ALPL: variants seen among roughly 807,000 people sequenced by gnomAD.
The protein encoded by ALPL is alkaline phosphatase, tissue-nonspecific isozyme.
A neutral mutation model predicts 51.3 loss-of-function variants in ALPL; 42 were observed. The observed-to-expected ratio is 0.82, with a 90% CI of 0.64 to 1.06. ALPL has a LOEUF of 1.06. Among genes scored for constraint, ALPL ranks in the 50% least tolerant of loss-of-function variants. The pLI, the probability that ALPL is intolerant of heterozygous loss-of-function variation, is 0.00. For missense variants in ALPL, 589 were observed against 709.4 expected (o/e 0.83, Z 1.93); for synonymous variants, 279 against 296.4 (o/e 0.94, Z 0.60).
chr1:21,573,937 A>G, intron 9 of ALPL, 138 bp downstream of exon 9: 3 of 1,496,240 alleles, frequency 2.0e-6, no homozygotes, highest in Non-Finnish European at 1.8e-6. Context: ...AGGTTGTGGA[A>G]GGAGACGGGT....
chr1:21,561,956 C>T (rs1222884348), intron 4 of ALPL, among the ~76,000 whole-genome samples: 1 of 152,130 alleles, frequency 6.6e-6, no homozygotes, highest in Non-Finnish European at 1.5e-5. Flanking sequence ...CATGAGCCAC[C>T]GTGCCTGGCC....
At chr1:21,572,850 CCTT>C (rs1381812158) in intron 8 of ALPL, among the ~76,000 whole-genome samples, 3 of 152,214 alleles carry the variant, frequency 2.0e-5, no homozygotes, top group East Asian at 1.9e-4. Flanking sequence ...TGATTCCAAA[CCTT>C]CTGCTGTTTC....
rs764771727 is a variant in ALPL, at chr1:21,564,249, G to A, written c.648+33G>A. ...CTCGGGGGCAGCCGGGCAGGGACGG[G>A]GTGAGGCGGGGCCTCTGGTGGGCAG... is the stretch of plus-strand genomic sequence containing the variant. On this transcript the variant is annotated intron_variant, in intron 6 of 11. Transcript: ENST00000374840. The surrounding 1 kb of genome is among the most constrained non-coding windows in gnomAD (Gnocchi z 5.8). 1.5e-5 allele frequency: 24 copies of A among 1,610,580 alleles called. No homozygotes were observed. The highest frequency in any genetic ancestry group is 1.6e-4 in the Middle Eastern group (1 of 6,062).
At chr1:21,514,741 A>C (rs1279050181) in intron 1 of ALPL, among the ~76,000 whole-genome samples, 1 of 152,076 alleles carries the variant, frequency 6.6e-6, no homozygotes, top group Admixed American at 6.5e-5. Flanking sequence ...TGGTCCTTAC[A>C]CCTGCAGACG....
intron 1 of ALPL, among the ~76,000 whole-genome samples, chr1:21,523,790 C>T (rs543271052): frequency 6.6e-6 from 1 of 152,248 alleles, no homozygotes; most frequent in African/African-American, 2.4e-5. Context: ...AACTTACCAC[C>T]CAGCAGCTCG....
intron 1 of ALPL, among the ~76,000 whole-genome samples, chr1:21,518,661 C>T (rs1292422454): frequency 6.6e-6 from 1 of 152,066 alleles, no homozygotes; most frequent in East Asian, 1.9e-4. Flanking sequence ...TACCCAAATA[C>T]AGAATTTAGA....
At chr1:21,557,921 C>T (rs1263375935) in intron 2 of ALPL, among the ~76,000 whole-genome samples, 1 of 152,156 alleles carries the variant, frequency 6.6e-6, no homozygotes, top group Non-Finnish European at 1.5e-5. Flanking sequence ...GAGGAGATGC[C>T]CAGGCTTACA....
chr1:21,577,845 TC>T lies in ALPL; in HGVS notation c.*199del. 2 of 724,582 alleles carry T rather than the reference TC, an allele frequency of 2.8e-6. No individual in the cohort carries two copies. The highest frequency in any genetic ancestry group is 4.4e-6 in the Non-Finnish European group (2 of 450,254). The allele number at this position is 724,582 out of a possible 1,614,324, so 44.9% of individuals were successfully genotyped here. On this transcript the variant is annotated 3_prime_UTR_variant, in exon 12 of 12. Coordinates refer to ENST00000374840, the MANE Select transcript of ALPL (RefSeq NM_000478.6). The stretch of plus-strand genomic sequence containing the variant: ...CCAAGGGCCAAACCCACTTCTGGCC[TC>T]CAGCCTTTGCTCCCTCCCCGCTGCC...
At chr1:21,557,077 C>T (rs775276079) in intron 2 of ALPL, among the ~76,000 whole-genome samples, 1 of 152,150 alleles carries the variant, frequency 6.6e-6, no homozygotes, top group Non-Finnish European at 1.5e-5. Context: ...TTTTCCTTCC[C>T]CCTTTTCTTC....
intron 1 of ALPL, among the ~76,000 whole-genome samples, chr1:21,518,474 A>G (rs1458929219): frequency 1.3e-5 from 2 of 152,126 alleles, no homozygotes; most frequent in East Asian, 3.9e-4. Flanking sequence ...ATTTGAATTC[A>G]TATCTGTCAA....
At position 21,575,971 on chromosome 1, in the gene ALPL, A is replaced by G. The variant is rs1336522759; in HGVS notation, c.1189+47A>G. On this transcript the variant is annotated intron_variant, in intron 10 of 11. Coordinates refer to ENST00000374840, the MANE Select transcript of ALPL (RefSeq NM_000478.6). ...TGGACACTCCTGGGGTCTCCTGTCTACCCACCTGGGAGCAGGAGTGGGTGG... is the reference window on the plus strand; with the variant it reads ...TGGACACTCCTGGGGTCTCCTGTCTGCCCACCTGGGAGCAGGAGTGGGTGG... 2.5e-6 allele frequency: 4 copies of G among 1,606,936 alleles called. 1 individual carries two copies. The highest frequency in any genetic ancestry group is 3.3e-5 in the Admixed American group (2 of 59,952).
intron 8 of ALPL, 72 bp from the exon 9 acceptor site, chr1:21,573,593 C>G: frequency 6.3e-7 from 1 of 1,589,134 alleles, no homozygotes. Flanking sequence ...CTGAGACACC[C>G]CAGCTTCCTT....
At chr1:21,556,739 G>A (rs1330906800) in intron 2 of ALPL, among the ~76,000 whole-genome samples, 6 of 152,038 alleles carry the variant, frequency 3.9e-5, no homozygotes, top group Non-Finnish European at 5.9e-5. Context: ...AGGAGTTTGA[G>A]ACCAGCCTAT....
intron 1 of ALPL, among the ~76,000 whole-genome samples, chr1:21,526,225 C>T (rs977790754): frequency 2.5e-4 from 38 of 152,084 alleles, no homozygotes; most frequent in South Asian, 8.3e-4. Context: ...CTGCAACCTC[C>T]GCCTCCCAGG....
At chr1:21,528,033 T>G (rs35331929) in intron 1 of ALPL, among the ~76,000 whole-genome samples, 19,306 of 151,278 alleles carry the variant, frequency 0.13, 1,430 homozygotes, top group Middle Eastern at 0.18. Flanking sequence ...TGTTTTTTTG[T>G]TTTTTTTGAG....
intron 1 of ALPL, among the ~76,000 whole-genome samples, chr1:21,539,602 C>T (rs889557854): frequency 1.3e-4 from 19 of 151,828 alleles, no homozygotes; most frequent in Non-Finnish European, 2.6e-4. Flanking sequence ...CCCTGATGTG[C>T]TGTGTGACAC....
At chr1:21,532,585 A>T (rs965008902) in intron 1 of ALPL, among the ~76,000 whole-genome samples, 1 of 152,212 alleles carries the variant, frequency 6.6e-6, no homozygotes, top group Non-Finnish European at 1.5e-5. Context: ...AGAATGAGAG[A>T]GTGTAAAAAA....
chr1:21,534,779 A>G lies in ALPL; in HGVS notation c.-104-19199A>G, dbSNP rs1261784255. Among the ~76,000 whole-genome samples, 3 of 152,188 alleles carry G rather than the reference A, an allele frequency of 2.0e-5. No homozygotes were observed. In the East Asian group the frequency reaches 5.8e-4, roughly 29 times the overall value. ...AGTTGCGCTGGTTGTATTGACATGCATGGACTTGAGAGTTATCCTGAAACC... is the reference window on the plus strand; with the variant it reads ...AGTTGCGCTGGTTGTATTGACATGCGTGGACTTGAGAGTTATCCTGAAACC... On this transcript the variant is annotated intron_variant, in intron 1 of 11. Coordinates refer to ENST00000374840, the MANE Select transcript of ALPL (RefSeq NM_000478.6).
chr1:21,520,501 C>G (rs113342454), intron 1 of ALPL, among the ~76,000 whole-genome samples: 1 of 146,158 alleles, frequency 6.8e-6, no homozygotes, highest in African/African-American at 2.6e-5. Flanking sequence ...GGAGTCTCGC[C>G]CTGTCGCCCA....
Sources: allele counts gnomAD v4.1 joint callset (sites outside exome capture counted in the v4.1 genomes callset), GRCh38; gene constraint gnomAD v4.1.1; non-coding constraint Gnocchi (gnomAD v3.1); transcripts MANE v1.5; gene names NCBI Gene and HGNC (gene_info 2026-07-23, HGNC 2026-07-21).